Variants in GLMN observed in about 807,000 individuals in gnomAD.
GLMN encodes the protein glomulin, FKBP associated protein.
In GLMN, 75 loss-of-function variants were observed where a neutral mutation model predicts 87.8. The observed-to-expected ratio is 0.85, with a 90% CI of 0.71 to 1.04. The LOEUF is 1.04. GLMN is among the 50% of genes least tolerant of loss of function. The pLI is 0.00. For missense variants in GLMN, 588 were observed against 658.8 expected (o/e 0.89, Z 1.18); for synonymous variants, 206 against 221.6 (o/e 0.93, Z 0.63).
At chr1:92,327,048 T>C in the GLMN span, among the ~76,000 whole-genome samples, 1 of 152,276 alleles carries the variant, frequency 6.6e-6, no homozygotes, top group East Asian at 1.9e-4. Flanking sequence ...TTCCATGTGC[T>C]GATGAATAGA....
the GLMN span, among the ~76,000 whole-genome samples, chr1:92,337,485 A>G: frequency 6.6e-6 from 1 of 152,154 alleles, no homozygotes; most frequent in Admixed American, 6.5e-5. Context: ...GCAAACCTCA[A>G]AAATTATTTG....
intron 16 of GLMN, among the ~76,000 whole-genome samples, chr1:92,257,871 A>G (rs1010178177): frequency 1.3e-5 from 2 of 152,202 alleles, no homozygotes; most frequent in African/African-American, 2.4e-5. Flanking sequence ...TTCATGACTA[A>G]AACACCAAAA....
the GLMN span, among the ~76,000 whole-genome samples, chr1:92,369,244 G>GAAGT: frequency 1.3e-5 from 2 of 151,994 alleles, no homozygotes; most frequent in African/African-American, 4.8e-5. Context: ...TATTTACATA[G>GAAGT]AAGTTATTTG....
chr1:92,261,907 A>T (rs749820212), intron 16 of GLMN, among the ~76,000 whole-genome samples: 16 of 152,108 alleles, frequency 1.1e-4, no homozygotes, highest in Admixed American at 3.9e-4. Context: ...GGGTAAACCA[A>T]TGATCACTAT....
chr1:92,328,447 T>C, the GLMN span, among the ~76,000 whole-genome samples: 1 of 152,232 alleles, frequency 6.6e-6, no homozygotes, highest in African/African-American at 2.4e-5. Flanking sequence ...GCTGAGACTT[T>C]CCAGTGCATT....
At chr1:92,346,967 CAT>C in the GLMN span, among the ~76,000 whole-genome samples, 3 of 152,170 alleles carry the variant, frequency 2.0e-5, no homozygotes, top group East Asian at 5.8e-4. Context: ...GAATCAATCT[CAT>C]AGCCTCTCCA....
chr1:92,314,853 T>G, the GLMN span, among the ~76,000 whole-genome samples: 2 of 151,988 alleles, frequency 1.3e-5, no homozygotes, highest in African/African-American at 4.8e-5. Context: ...GAGACCAGCC[T>G]GGCCAACATG....
At chr1:92,260,807 G>A (rs1368567032) in intron 16 of GLMN, among the ~76,000 whole-genome samples, 1 of 146,474 alleles carries the variant, frequency 6.8e-6, no homozygotes, top group Non-Finnish European at 1.5e-5. Context: ...TAGGCTGGCT[G>A]TATCCTTTTC....
the GLMN span, among the ~76,000 whole-genome samples, chr1:92,368,794 G>A: frequency 6.6e-6 from 1 of 152,202 alleles, no homozygotes; most frequent in East Asian, 1.9e-4. Context: ...CTTTTGATGT[G>A]TAGCATATGT....
chr1:92,369,861 C>T, the GLMN span, among the ~76,000 whole-genome samples: 3 of 152,108 alleles, frequency 2.0e-5, no homozygotes, highest in Non-Finnish European at 2.9e-5. Flanking sequence ...GAAAGATAAC[C>T]TGAAAGTAAA....
At chr1:92,274,469 G>A (rs900635946) in intron 7 of GLMN, among the ~76,000 whole-genome samples, 1 of 151,998 alleles carries the variant, frequency 6.6e-6, no homozygotes, top group Admixed American at 6.5e-5. Context: ...TGACTTCCTG[G>A]TAATTTCCTG....
chr1:92,344,239 A>G, the GLMN span, among the ~76,000 whole-genome samples: 4 of 152,012 alleles, frequency 2.6e-5, no homozygotes, highest in Non-Finnish European at 4.4e-5. Context: ...GTGAAAGCCC[A>G]CCTCTACAAA....
intron 8 of GLMN, 52 bp from the exon 9 acceptor site, chr1:92,269,828 G>T: frequency 8.9e-7 from 1 of 1,128,738 alleles, no homozygotes; most frequent in Non-Finnish European, 1.3e-6. Flanking sequence ...ACAGAGATAT[G>T]TACACACATA....
intron 16 of GLMN, among the ~76,000 whole-genome samples, chr1:92,256,181 ACCCTCCCAAGACT>A (rs1450348652): frequency 6.6e-6 from 1 of 152,020 alleles, no homozygotes; most frequent in African/African-American, 2.4e-5. Context: ...GGACATACAC[ACCCTCCCAAGACT>A]AAACCAGGAA....
intron 7 of GLMN, among the ~76,000 whole-genome samples, chr1:92,277,126 TC>T (rs1322653093): frequency 1.3e-5 from 2 of 152,198 alleles, no homozygotes; most frequent in Non-Finnish European, 2.9e-5. Context: ...CCTTTCTTCA[TC>T]TTTAAAACTA....
chr1:92,292,666 G>A (rs1391440674), intron 3 of GLMN, among the ~76,000 whole-genome samples: 31 of 141,442 alleles, frequency 2.2e-4, no homozygotes, highest in African/African-American at 6.0e-4. Context: ...CTCGTGATCC[G>A]CCCACCTCAG....
chr1:92,311,249 C>G, the GLMN span, among the ~76,000 whole-genome samples: 4 of 152,288 alleles, frequency 2.6e-5, no homozygotes, highest in East Asian at 7.7e-4. Context: ...AAGTTGCATT[C>G]AACTTCCGAG....
At chr1:92,293,481 AT>A (rs951301127) in intron 3 of GLMN, among the ~76,000 whole-genome samples, 59 of 146,646 alleles carry the variant, frequency 4.0e-4, no homozygotes, top group South Asian at 6.4e-4. Flanking sequence ...AATTTTTTGT[AT>A]TTTTTTTTTT....
intron 3 of GLMN, among the ~76,000 whole-genome samples, chr1:92,295,138 C>T (rs148124023): frequency 1.3e-3 from 204 of 152,346 alleles, no homozygotes; most frequent in African/African-American, 4.7e-3. Flanking sequence ...AACGCTAAGG[C>T]ATGCAATGCC....
Sources: gnomAD v4.1 joint callset for allele counts (sites outside exome capture counted in the v4.1 genomes callset) on GRCh38, gnomAD v4.1.1 for gene constraint, MANE v1.5 for transcripts, NCBI Gene and HGNC (gene_info 2026-07-23, HGNC 2026-07-21) for gene names.